Variants in SHMT1 observed in about 807,000 individuals in gnomAD.
SHMT1 encodes serine hydroxymethyltransferase, cytosolic.
SHMT1 carries 45 observed loss-of-function variants against 49.0 expected under a neutral mutation model. The ratio of observed to expected loss-of-function variants is 0.92; its 90% confidence interval spans 0.72 to 1.18. SHMT1 has a LOEUF of 1.18. Ranked by LOEUF, SHMT1 falls within the 50% of genes most tolerant of loss-of-function variation. SHMT1 has a pLI of 0.00. For missense variants in SHMT1, 541 were observed against 612.4 expected, an observed-to-expected ratio of 0.88 and a Z score of 1.23; for synonymous variants, 232 against 246.6, an observed-to-expected ratio of 0.94 and a Z score of 0.55.
chr17:18,338,183 C>T lies in SHMT1; in HGVS notation c.814+1860G>A, dbSNP rs369660689. ...GATGTGGGGAGCGCCTCTGCCCCGC[C>T]GCCCCGTCTGGGATGTGAGGAGCAC... On this transcript the variant is annotated intron_variant, in intron 7 of 11. Transcript: ENST00000316694. Among the ~76,000 whole-genome samples the T allele has an allele frequency of 6.6e-5, 10 of 151,580 alleles. No homozygotes were observed. The South Asian group carries it at 1.3e-3, about 19-fold the overall frequency.
At position 18,330,564 on chromosome 17, in the gene SHMT1, TG is replaced by T. The variant is rs754774752; in HGVS notation, c.1161del (p.Asn387LysfsTer22). On this transcript the variant is annotated frameshift_variant, in exon 10 of 12. Coordinates refer to ENST00000316694, the MANE Select transcript of SHMT1 (RefSeq NM_004169.5). LOFTEE classifies it high-confidence loss of function. ...CAAGGATGATTCTCACCTGGACAGGTGTTCTTGTTGCAGGCAATAGAACAGG... is the reference window on the plus strand; with the variant it reads ...CAAGGATGATTCTCACCTGGACAGGTTTCTTGTTGCAGGCAATAGAACAGG... ...LEACSIACNK[N>X]TCPGDRSALR... The T allele has an allele frequency of 6.2e-6, 10 of 1,608,850 alleles. No homozygotes were observed. The Admixed American group carries it at 6.7e-5, about 11-fold the overall frequency.
intron 3 of SHMT1, among the ~76,000 whole-genome samples, chr17:18,351,010 G>A (rs1424397945): frequency 1.3e-5 from 2 of 151,970 alleles, no homozygotes; most frequent in Non-Finnish European, 2.9e-5. Flanking sequence ...TGGGATTACA[G>A]GTGTGAACCA....
At chr17:18,329,247 G>C in intron 11 of SHMT1, 31 bp downstream of exon 11, 1 of 1,454,322 alleles carries the variant, frequency 6.9e-7, no homozygotes, top group Non-Finnish European at 9.6e-7. Flanking sequence ...CACACAATAA[G>C]ATGTGGCAAC....
chr17:18,356,706 GC>G (rs1422683643), intron 1 of SHMT1, among the ~76,000 whole-genome samples: 1 of 151,964 alleles, frequency 6.6e-6, no homozygotes, highest in Non-Finnish European at 1.5e-5. Context: ...ACTTTTTTTA[GC>G]CTTTCCCTCA....
At chr17:18,351,507 C>A (rs1448292605) in intron 3 of SHMT1, among the ~76,000 whole-genome samples, 1 of 151,846 alleles carries the variant, frequency 6.6e-6, no homozygotes, top group Non-Finnish European at 1.5e-5. Flanking sequence ...GCCTGTAATC[C>A]CAACACTTTG....
At chr17:18,350,275 G>A (rs1467155839) in intron 3 of SHMT1, among the ~76,000 whole-genome samples, 2 of 152,116 alleles carry the variant, frequency 1.3e-5, no homozygotes, top group Non-Finnish European at 2.9e-5. Flanking sequence ...AGCTTGTAGT[G>A]AGCCGAGATC....
chr17:18,359,929 A>G (rs1343330324), intron 1 of SHMT1, among the ~76,000 whole-genome samples: 2 of 147,746 alleles, frequency 1.4e-5, no homozygotes, highest in Non-Finnish European at 3.0e-5. Flanking sequence ...CTGGCAACAA[A>G]GCAAGACTCT....
intron 5 of SHMT1, among the ~76,000 whole-genome samples, chr17:18,343,632 G>T (rs4925176): frequency 1.2e-5 from 1 of 83,342 alleles, no homozygotes; most frequent in African/African-American, 6.0e-5. Context: ...AAAAAAAAAA[G>T]GGGTCAGCCG....
chr17:18,359,944 TAAA>T, intron 1 of SHMT1, among the ~76,000 whole-genome samples: 1 of 128,228 alleles, frequency 7.8e-6, no homozygotes, highest in South Asian at 2.5e-4. Flanking sequence ...GACTCTATCT[TAAA>T]AAAAAAAAAA....
In SHMT1 at chr17:18,339,919, G is replaced by A. The variant is rs1420625430; in HGVS notation, c.814+124C>T. 4.1e-6 allele frequency: 4 copies of A among 968,830 alleles called. No homozygotes were observed. In the East Asian group the frequency reaches 1.0e-4, roughly 25 times the overall value. 60.0% of individuals were successfully genotyped at this position (968,830 alleles called of 1,614,324 possible). ...TCCTAAGCAGCTCTTTAAGGGACTG[G>A]GATCTTAATATTTTCCAAGGATCCC... On this transcript the variant is annotated intron_variant, in intron 7 of 11. Coordinates refer to ENST00000316694, the MANE Select transcript of SHMT1 (RefSeq NM_004169.5).
intron 1 of SHMT1, among the ~76,000 whole-genome samples, chr17:18,358,747 C>T (rs544298271): frequency 3.3e-5 from 5 of 151,438 alleles, no homozygotes; most frequent in African/African-American, 1.2e-4. Context: ...ACAAAAAATA[C>T]AAATTATTAG....
At chr17:18,331,688 C>T (rs2151564528) in intron 9 of SHMT1, 1 of 152,420 alleles carries the variant, frequency 6.6e-6, no homozygotes, top group South Asian at 2.1e-4. Flanking sequence ...AGACCAGCAT[C>T]ACCCAAGGCC....
At chr17:18,360,753 G>C (rs1176046096) in intron 1 of SHMT1, among the ~76,000 whole-genome samples, 1 of 152,104 alleles carries the variant, frequency 6.6e-6, no homozygotes, top group Non-Finnish European at 1.5e-5. Context: ...CCAGACAAAG[G>C]AGAAAGTGTG....
chr17:18,343,334 C>T (rs1358295584), intron 5 of SHMT1, among the ~76,000 whole-genome samples: 3 of 151,964 alleles, frequency 2.0e-5, no homozygotes, highest in African/African-American at 7.3e-5. Flanking sequence ...GTCAGCCAGG[C>T]GTGGTGGCTC....
In SHMT1 at chr17:18,340,210, T is replaced by C. The variant is rs78909145; in HGVS notation, c.647A>G (p.Lys216Arg). The change falls in exon 7 of 12, where the codon AAG becomes AGG. Residue 216 changes from lysine to arginine, a missense_variant. By Grantham distance (26) the Lys-to-Arg change is conservative. Coordinates refer to ENST00000316694, the MANE Select transcript of SHMT1 (RefSeq NM_004169.5). The surrounding 1 kb of genome is among the most constrained non-coding windows in gnomAD (Gnocchi z 4.5). ...SRNLEYARLR[K>R]IADENGAYLM... Reference sequence around the variant, plus strand: ...ATACGCCCCGTTCTCATCTGCAATCTTCCGTAGCCGGGCATATTCCAGGTT... The same window carrying C: ...ATACGCCCCGTTCTCATCTGCAATCCTCCGTAGCCGGGCATATTCCAGGTT... 6,222 of 1,614,208 alleles carry C rather than the reference T, an allele frequency of 3.9e-3. 75 individuals carry two copies. In the Middle Eastern group the frequency reaches 0.047, roughly 12 times the overall value.
chr17:18,339,992 G>A (rs1984308327), intron 7 of SHMT1, 51 bp downstream of exon 7: 8 of 1,569,528 alleles, frequency 5.1e-6, no homozygotes, highest in Non-Finnish European at 7.0e-6. Context: ...AACCCCCACA[G>A]GAGAAATGTA....
At chr17:18,329,690 C>T (rs1204257005) in intron 10 of SHMT1, among the ~76,000 whole-genome samples, 1 of 152,150 alleles carries the variant, frequency 6.6e-6, no homozygotes, top group Non-Finnish European at 1.5e-5. Context: ...TAACAACCCA[C>T]AGAGAAATGC....
chr17:18,348,359 T>C lies in SHMT1; in HGVS notation c.324A>G (p.Pro108=). The C allele has an allele frequency of 6.2e-7, 1 of 1,613,792 alleles. No homozygotes were observed. Among genetic ancestry groups the C allele is most frequent in the Non-Finnish European group, 8.5e-7 (1 of 1,179,730 alleles). Reference sequence around the variant, plus strand: ...GCTGGACGTTGACCCCCCAGCACTGTGGGTCCAGCTTATAGGCCTGCAGGG... The same window carrying C: ...GCTGGACGTTGACCCCCCAGCACTGCGGGTCCAGCTTATAGGCCTGCAGGG... ...KRALQAYKLD[P]QCWGVNVQPY... is the part of the protein sequence containing the mutation. The change falls in exon 4 of 12, where the codon CCA becomes CCG. Residue 108 remains proline, a synonymous_variant. Transcript: ENST00000316694.
intron 7 of SHMT1, 122 bp downstream of exon 7, chr17:18,339,921 A>T: frequency 1.0e-6 from 1 of 976,394 alleles, no homozygotes; most frequent in East Asian, 2.6e-5. Context: ...AGGGACTGGG[A>T]TCTTAATATT....
Sources: gnomAD v4.1 joint callset for allele counts (sites outside exome capture counted in the v4.1 genomes callset) on GRCh38, gnomAD v4.1.1 for gene constraint, Gnocchi (gnomAD v3.1) non-coding constraint, MANE v1.5 for transcripts, NCBI Gene and HGNC (gene_info 2026-07-23, HGNC 2026-07-21) for gene names.